The following PTN variants were observed in gnomAD, a reference collection of about 807,000 sequenced individuals.
PTN encodes the protein heparin affin regulatory protein.
A neutral mutation model predicts 24.1 loss-of-function variants in PTN; 18 were observed. The observed-to-expected ratio is 0.75, with a 90% CI of 0.52 to 1.11. PTN has a LOEUF of 1.11. PTN is among the 50% of genes least tolerant of loss of function. The pLI is 0.00. For synonymous variants in PTN, 78 were observed against 68.6 expected (o/e 1.14, Z -0.67); for missense variants, 163 against 198.8 (o/e 0.82, Z 1.08).
At chr7:137,295,164 A>C (rs1809699727) in intron 1 of PTN, among the ~76,000 whole-genome samples, 1 of 152,146 alleles carries the variant, frequency 6.6e-6, no homozygotes, top group African/African-American at 2.4e-5. Context: ...ACAGAAAAAG[A>C]ATGTAAAAAT....
intron 1 of PTN, among the ~76,000 whole-genome samples, chr7:137,338,699 AC>A (rs1810486372): frequency 6.6e-6 from 1 of 152,272 alleles, no homozygotes; most frequent in South Asian, 2.1e-4. Context: ...TCATCACACT[AC>A]CTACCATATA....
At chr7:137,303,299 T>C (rs1809835196) in intron 1 of PTN, among the ~76,000 whole-genome samples, 1 of 151,994 alleles carries the variant, frequency 6.6e-6, no homozygotes. Context: ...AACTCTTCTA[T>C]GTAATATCCT....
Position 137,343,500 on chromosome 7 carries a change from T to C in PTN, c.-63A>G, listed in dbSNP as rs1306835008. The C allele has an allele frequency of 7.7e-6, 4 of 518,806 alleles. No homozygotes were observed. Among genetic ancestry groups the C allele is most frequent in the Admixed American group, 5.8e-5 (3 of 51,566 alleles). 32.1% of individuals were successfully genotyped at this position (518,806 alleles called of 1,614,324 possible). ...CCTTTGTTGCAAGGGGCGAGGTTGCTACCGCTGAGTCCAGGTACCCGGCTC... is the reference window on the plus strand; with the variant it reads ...CCTTTGTTGCAAGGGGCGAGGTTGCCACCGCTGAGTCCAGGTACCCGGCTC... On this transcript the variant is annotated 5_prime_UTR_variant, in exon 1 of 5. Coordinates refer to ENST00000348225, the MANE Select transcript of PTN (RefSeq NM_002825.7).
rs1808360413 is a variant in PTN, at chr7:137,227,884, C to A, written c.*136G>T. On this transcript the variant is annotated 3_prime_UTR_variant, in exon 5 of 5. Transcript: ENST00000348225. ...TAAAAAACGCTACTACAAAAATTTT[C>A]TTTTCTTTTTGTTTTTGCTTATTGT... 3 of 1,242,808 alleles carry A rather than the reference C, an allele frequency of 2.4e-6. No individual in the cohort carries two copies. The highest frequency in any genetic ancestry group is 2.8e-5 in the Admixed American group (1 of 36,034). The allele number at this position is 1,242,808 out of a possible 1,614,324, so 77.0% of individuals were successfully genotyped here. A position where few individuals can be genotyped will look rare whatever the true frequency, so the allele number is the denominator to read the frequency against.
At chr7:137,245,131 C>T (rs1295402314) in intron 4 of PTN, among the ~76,000 whole-genome samples, 1 of 152,024 alleles carries the variant, frequency 6.6e-6, no homozygotes, top group African/African-American at 2.4e-5. Flanking sequence ...CGGCCATTTC[C>T]CAAAACAAAA....
intron 1 of PTN, among the ~76,000 whole-genome samples, chr7:137,271,091 A>G (rs1809264526): frequency 6.6e-6 from 1 of 152,150 alleles, no homozygotes; most frequent in Non-Finnish European, 1.5e-5. Flanking sequence ...GCATCCACAT[A>G]ATCTTCCTAG....
intron 1 of PTN, among the ~76,000 whole-genome samples, chr7:137,343,011 A>C (rs747694076): frequency 3.9e-5 from 6 of 152,122 alleles, no homozygotes; most frequent in Non-Finnish European, 7.4e-5. Context: ...TCAGAGAATC[A>C]GAGAGAGGCT....
chr7:137,276,684 G>A (rs945941445), intron 1 of PTN, among the ~76,000 whole-genome samples: 1 of 152,122 alleles, frequency 6.6e-6, no homozygotes, highest in Non-Finnish European at 1.5e-5. Flanking sequence ...TGTTTCACCA[G>A]ACTCATGCAA....
chr7:137,300,109 T>A lies in PTN; in HGVS notation c.-2+43330A>T, dbSNP rs534473092. 2.0e-4 allele frequency among the ~76,000 whole-genome samples: 30 copies of A among 149,234 alleles called. 1 individual carries two copies. Among genetic ancestry groups the A allele is most frequent in the Non-Finnish European group, 3.4e-4 (23 of 66,944 alleles). ...TAATCTTTCTTTCTCGGTGGGTAGA[T>A]AGATGATAAATACATGAACAGGTAG... On this transcript the variant is annotated intron_variant, in intron 1 of 4. Coordinates refer to ENST00000348225, the MANE Select transcript of PTN (RefSeq NM_002825.7).
chr7:137,331,795 A>T (rs868089683), intron 1 of PTN, among the ~76,000 whole-genome samples: 60 of 152,168 alleles, frequency 3.9e-4, no homozygotes, highest in African/African-American at 1.4e-3. Flanking sequence ...CCTTAGATAT[A>T]TGGAAGGGTC....
intron 4 of PTN, among the ~76,000 whole-genome samples, chr7:137,231,079 CT>C (rs1443770872): frequency 1.3e-5 from 2 of 151,812 alleles, no homozygotes; most frequent in African/African-American, 4.8e-5. Flanking sequence ...CTTTCCTGCT[CT>C]TGTTAGAGCA....
intron 1 of PTN, among the ~76,000 whole-genome samples, chr7:137,338,405 G>T (rs73455103): frequency 0.022 from 3,398 of 152,236 alleles, 119 homozygotes; most frequent in African/African-American, 0.077. Context: ...ATGAAAACAC[G>T]AAGGAATCAG....
chr7:137,239,232 C>T (rs1808576672), intron 4 of PTN, among the ~76,000 whole-genome samples: 2 of 152,180 alleles, frequency 1.3e-5, no homozygotes, highest in Admixed American at 1.3e-4. Flanking sequence ...GATTTCTCTA[C>T]ACATTTTTGA....
At chr7:137,248,000 TCA>T (rs2128870333) in intron 4 of PTN, among the ~76,000 whole-genome samples, 1 of 152,146 alleles carries the variant, frequency 6.6e-6, no homozygotes, top group Non-Finnish European at 1.5e-5. Context: ...CCAGTGTTCC[TCA>T]GTTTCCTTTA....
intron 4 of PTN, among the ~76,000 whole-genome samples, chr7:137,232,120 C>T (rs1808436758): frequency 6.6e-6 from 1 of 151,926 alleles, no homozygotes; most frequent in Admixed American, 6.6e-5. Flanking sequence ...AGGAAGTACA[C>T]ATACACCACA....
chr7:137,235,614 T>C (rs1808505694), intron 4 of PTN, among the ~76,000 whole-genome samples: 1 of 152,164 alleles, frequency 6.6e-6, no homozygotes, highest in African/African-American at 2.4e-5. Flanking sequence ...TTTTGTAGCA[T>C]CAATTGTTTC....
chr7:137,247,602 G>C (rs758830900), intron 4 of PTN, among the ~76,000 whole-genome samples: 17 of 151,988 alleles, frequency 1.1e-4, no homozygotes, highest in Non-Finnish European at 2.2e-4. Flanking sequence ...AGCACAACAG[G>C]GTGACTATAT....
At chr7:137,333,160 C>T (rs1363816215) in intron 1 of PTN, among the ~76,000 whole-genome samples, 1 of 152,090 alleles carries the variant, frequency 6.6e-6, no homozygotes, top group Non-Finnish European at 1.5e-5. Context: ...TAAAAAGAGT[C>T]TGGTACCTTC....
At chr7:137,333,326 C>A (rs1481600997) in intron 1 of PTN, among the ~76,000 whole-genome samples, 1 of 152,172 alleles carries the variant, frequency 6.6e-6, no homozygotes, top group Admixed American at 6.5e-5. Context: ...TTACACAGAA[C>A]CCAGCCTCAG....
Sources: gnomAD v4.1 joint callset for allele counts (sites outside exome capture counted in the v4.1 genomes callset) on GRCh38, gnomAD v4.1.1 for gene constraint, MANE v1.5 for transcripts, NCBI Gene and HGNC (gene_info 2026-07-23, HGNC 2026-07-21) for gene names.